The following ASTN2 variants were observed in gnomAD, a reference collection of about 807,000 sequenced individuals.
ASTN2 encodes astrotactin 2.
Under a neutral mutation model 139.8 loss-of-function variants are expected in ASTN2, and 54 were observed. That is an observed-to-expected ratio of 0.39 (90% CI 0.31 to 0.48). The LOEUF is 0.48. Among genes scored for constraint, ASTN2 ranks in the 20% least tolerant of loss-of-function variants. ASTN2 has a pLI of 0.95. For missense variants in ASTN2, 1,565 were observed against 1,725.1 expected, an observed-to-expected ratio of 0.91 and a Z score of 1.64; for synonymous variants, 756 against 719.5, an observed-to-expected ratio of 1.05 and a Z score of -0.81.
At chr9:117,217,426 A>T (rs953275356) in intron 2 of ASTN2, among the ~76,000 whole-genome samples, 6 of 152,182 alleles carry the variant, frequency 3.9e-5, no homozygotes, top group Middle Eastern at 3.4e-3. Flanking sequence ...ACCAATACTG[A>T]CCTAGGAAAG....
At chr9:117,205,909 A>C (rs1158520232) in intron 3 of ASTN2, among the ~76,000 whole-genome samples, 1 of 152,252 alleles carries the variant, frequency 6.6e-6, no homozygotes, top group Non-Finnish European at 1.5e-5. Flanking sequence ...ATAGACAGTA[A>C]AGGCAAATGT....
chr9:117,133,931 G>T (rs182997225), intron 4 of ASTN2, among the ~76,000 whole-genome samples: 9 of 152,244 alleles, frequency 5.9e-5, no homozygotes, highest in Admixed American at 5.9e-4. Flanking sequence ...CCAGGTAGTT[G>T]TGTCTATCCA....
At chr9:116,683,139 G>A (rs535527832) in intron 16 of ASTN2, among the ~76,000 whole-genome samples, 37 of 151,816 alleles carry the variant, frequency 2.4e-4, no homozygotes, top group South Asian at 8.3e-4. Flanking sequence ...CCTCTTTAAC[G>A]GATGGTTTTA....
At chr9:117,100,394 G>A (rs1360754828) in intron 4 of ASTN2, among the ~76,000 whole-genome samples, 1 of 152,218 alleles carries the variant, frequency 6.6e-6, no homozygotes, top group East Asian at 1.9e-4. Flanking sequence ...AAATGTTTCA[G>A]TAGCCCCATT....
intron 3 of ASTN2, among the ~76,000 whole-genome samples, chr9:117,212,481 A>G (rs538137113): frequency 1.3e-5 from 2 of 152,286 alleles, no homozygotes; most frequent in South Asian, 4.1e-4. Flanking sequence ...AACCTACAGA[A>G]TGGGAGAAAA....
At chr9:116,809,494 A>G (rs571748224) in intron 12 of ASTN2, among the ~76,000 whole-genome samples, 2 of 152,116 alleles carry the variant, frequency 1.3e-5, no homozygotes, top group South Asian at 4.2e-4. Flanking sequence ...CCTGTTTTGG[A>G]TATAGTAATA....
chr9:116,698,633 G>T lies in ASTN2; in HGVS notation c.2806+27138C>A. The T allele has an allele frequency of 6.2e-7, 1 of 1,614,138 alleles. No homozygotes were observed. The highest frequency in any genetic ancestry group is 8.5e-7 in the Non-Finnish European group (1 of 1,180,038). ...TCCAAATTGGACAAGCTGTTAAGAA[G>T]CCCCGGACAGTTAACGTGGAAGATT... On this transcript the variant is annotated intron_variant, in intron 16 of 22. Transcript: ENST00000313400. The surrounding 1 kb of genome is among the most constrained non-coding windows in gnomAD (Gnocchi z 4.4).
intron 16 of ASTN2, chr9:116,697,237 T>G (rs182399889): frequency 6.2e-6 from 1 of 161,160 alleles, no homozygotes; most frequent in Admixed American, 5.7e-5. Context: ...AATATGAAAA[T>G]AATCATTAGC....
chr9:117,371,665 G>A (rs759473891), intron 1 of ASTN2, among the ~76,000 whole-genome samples: 2 of 152,126 alleles, frequency 1.3e-5, no homozygotes, highest in Non-Finnish European at 2.9e-5. Context: ...TAGGGTTGTC[G>A]TGAGGATTAA....
At chr9:116,618,544 G>T in intron 18 of ASTN2, 72 bp from the exon 19 acceptor site, 1 of 1,492,450 alleles carries the variant, frequency 6.7e-7, no homozygotes, top group Non-Finnish European at 9.0e-7. Context: ...ATCCGCATGT[G>T]TCAAGATGAA....
intron 3 of ASTN2, among the ~76,000 whole-genome samples, chr9:117,199,399 T>C (rs1483096934): frequency 6.6e-6 from 1 of 152,242 alleles, no homozygotes; most frequent in Non-Finnish European, 1.5e-5. Context: ...CCATTCCTTT[T>C]TTTGTCAGTT....
intron 1 of ASTN2, among the ~76,000 whole-genome samples, chr9:117,404,233 G>T (rs1830918167): frequency 6.6e-6 from 1 of 152,192 alleles, no homozygotes; most frequent in Non-Finnish European, 1.5e-5. Context: ...TCATGTTATT[G>T]ATGGGTAAGC....
chr9:116,623,147 CTGTGTG>C (rs10527124), intron 17 of ASTN2, among the ~76,000 whole-genome samples: 7,178 of 136,790 alleles, frequency 0.052, 244 homozygotes, highest in Middle Eastern at 0.094. Flanking sequence ...AGAGCATACT[CTGTGTG>C]TGTGTGTGTG....
intron 3 of ASTN2, among the ~76,000 whole-genome samples, chr9:117,159,499 G>C (rs952138435): frequency 2.6e-5 from 4 of 152,030 alleles, no homozygotes; most frequent in Admixed American, 2.0e-4. Context: ...AGCTGAGCTT[G>C]ATTAGATATT....
intron 17 of ASTN2, among the ~76,000 whole-genome samples, chr9:116,636,909 T>C (rs995938695): frequency 3.3e-5 from 5 of 152,162 alleles, no homozygotes; most frequent in African/African-American, 1.2e-4. Context: ...GAGTATTATC[T>C]TTATAAAAGG....
chr9:117,241,190 C>G (rs1198346476), intron 2 of ASTN2, among the ~76,000 whole-genome samples: 1 of 152,202 alleles, frequency 6.6e-6, no homozygotes, highest in Non-Finnish European at 1.5e-5. Context: ...AGAGTTGACA[C>G]AGTAGCTCCT....
intron 1 of ASTN2, among the ~76,000 whole-genome samples, chr9:117,346,289 G>C (rs1335387059): frequency 1.3e-5 from 2 of 152,126 alleles, no homozygotes; most frequent in African/African-American, 4.8e-5. Context: ...CCAACGTAGA[G>C]TTTACTAACT....
At chr9:116,912,329 G>A (rs983640229) in intron 10 of ASTN2, among the ~76,000 whole-genome samples, 7 of 152,166 alleles carry the variant, frequency 4.6e-5, no homozygotes, top group African/African-American at 1.4e-4. Flanking sequence ...TCTTTCCTAG[G>A]CTTAGAGTCA....
At chr9:116,510,933 T>C (rs1850348357) in intron 19 of ASTN2, among the ~76,000 whole-genome samples, 1 of 152,168 alleles carries the variant, frequency 6.6e-6, no homozygotes. Flanking sequence ...AGATATACAA[T>C]CATGTCATCT....
Sources: allele counts gnomAD v4.1 joint callset (sites outside exome capture counted in the v4.1 genomes callset), GRCh38; gene constraint gnomAD v4.1.1; non-coding constraint Gnocchi (gnomAD v3.1); transcripts MANE v1.5; gene names NCBI Gene and HGNC (gene_info 2026-07-23, HGNC 2026-07-21).